GMDS: variants seen among roughly 807,000 people sequenced by gnomAD.
GMDS encodes GDP-mannose 4,6-dehydratase, also known as GDP-mannose 4,6 dehydratase.
A neutral mutation model predicts 49.9 loss-of-function variants in GMDS; 20 were observed. The ratio of observed to expected loss-of-function variants is 0.40; its 90% CI spans 0.28 to 0.58. GMDS has a LOEUF of 0.58. Among genes scored for constraint, GMDS ranks in the 20% least tolerant of loss-of-function variants. The probability of loss-of-function intolerance (pLI) is 0.42; values close to 1 mark genes in which losing one functional copy is unlikely to be tolerated. For missense variants in GMDS, 362 were observed against 481.4 expected, an observed-to-expected ratio of 0.75 and a Z score of 2.32; for synonymous variants, 177 against 178.6, an observed-to-expected ratio of 0.99 and a Z score of 0.07.
intron 9 of GMDS, among the ~76,000 whole-genome samples, chr6:1,677,422 T>C (rs1374203795): frequency 6.6e-6 from 1 of 152,066 alleles, no homozygotes; most frequent in Non-Finnish European, 1.5e-5. Context: ...GAAATACCAT[T>C]TGACCCAGCC....
chr6:1,875,506 C>T (rs1758997908), intron 7 of GMDS, among the ~76,000 whole-genome samples: 2 of 152,172 alleles, frequency 1.3e-5, no homozygotes, highest in South Asian at 4.1e-4. Context: ...ATATTACTGT[C>T]TCAAAACCTT....
At chr6:1,742,665 T>C (rs1767319379) in intron 7 of GMDS, 79 bp from the exon 8 acceptor site, 2 of 753,012 alleles carry the variant, frequency 2.7e-6, no homozygotes, top group Non-Finnish European at 4.7e-6. Flanking sequence ...CATAATCAGA[T>C]ATGGACATCG....
chr6:2,139,094 G>A (rs560995477), intron 1 of GMDS, among the ~76,000 whole-genome samples: 1 of 152,040 alleles, frequency 6.6e-6, no homozygotes, highest in East Asian at 1.9e-4. Flanking sequence ...CTACATGTCA[G>A]GTACCATGTA....
chr6:1,817,002 TA>T (rs946642463), intron 7 of GMDS, among the ~76,000 whole-genome samples: 5 of 150,480 alleles, frequency 3.3e-5, no homozygotes, highest in African/African-American at 1.2e-4. Flanking sequence ...AAGCAGTATC[TA>T]AAAAAATTTG....
intron 1 of GMDS, among the ~76,000 whole-genome samples, chr6:2,181,845 G>A (rs1477028717): frequency 2.0e-5 from 3 of 152,096 alleles, no homozygotes; most frequent in African/African-American, 7.2e-5. Context: ...TAATAACCCA[G>A]CAATGACCTC....
chr6:1,641,474 G>A (rs368520117), intron 9 of GMDS, among the ~76,000 whole-genome samples: 2 of 152,202 alleles, frequency 1.3e-5, no homozygotes, highest in African/African-American at 2.4e-5. Context: ...TCAGGGTGCC[G>A]TGCACCTGGC....
At chr6:2,208,090 G>C (rs372695252) in intron 1 of GMDS, among the ~76,000 whole-genome samples, 3 of 151,856 alleles carry the variant, frequency 2.0e-5, no homozygotes, top group African/African-American at 7.3e-5. Context: ...ATTAGGTGAA[G>C]CTGTGCATAA....
intron 4 of GMDS, among the ~76,000 whole-genome samples, chr6:2,098,953 A>T (rs780835695): frequency 6.6e-6 from 1 of 152,184 alleles, no homozygotes. Flanking sequence ...TCAAGTAAAA[A>T]ATTAACAAAA....
chr6:1,829,794 T>C (rs774770424), intron 7 of GMDS, among the ~76,000 whole-genome samples: 61 of 152,184 alleles, frequency 4.0e-4, no homozygotes, highest in Non-Finnish European at 3.1e-4. Context: ...GGGAATCAAA[T>C]CATCATCAAA....
At chr6:1,860,720 G>A (rs1017081536) in intron 7 of GMDS, among the ~76,000 whole-genome samples, 1 of 152,198 alleles carries the variant, frequency 6.6e-6, no homozygotes, top group African/African-American at 2.4e-5. Flanking sequence ...TGTCAACCGT[G>A]AAGAAGAGAA....
chr6:1,939,033 G>A (rs1388931486), intron 6 of GMDS, among the ~76,000 whole-genome samples: 3 of 119,556 alleles, frequency 2.5e-5, no homozygotes, highest in African/African-American at 9.5e-5. Flanking sequence ...TTTCTTTTTT[G>A]GCACATCCAA....
chr6:2,175,376 A>G (rs1233196645), intron 1 of GMDS, among the ~76,000 whole-genome samples: 1 of 152,218 alleles, frequency 6.6e-6, no homozygotes, highest in East Asian at 1.9e-4. Context: ...TGTTGAGCTC[A>G]AAGAGGAAAT....
intron 7 of GMDS, among the ~76,000 whole-genome samples, chr6:1,908,579 A>G (rs1288581497): frequency 6.6e-6 from 1 of 152,188 alleles, no homozygotes; most frequent in Non-Finnish European, 1.5e-5. Flanking sequence ...TCCAGTTAAT[A>G]AAGAGGCATA....
At chr6:2,200,439 C>G (rs115296468) in intron 1 of GMDS, among the ~76,000 whole-genome samples, 1 of 148,936 alleles carries the variant, frequency 6.7e-6, no homozygotes, top group Admixed American at 6.7e-5. Context: ...ACCATCCAGG[C>G]AGTGAGGGCA....
intron 7 of GMDS, among the ~76,000 whole-genome samples, chr6:1,843,617 A>AATT (rs1457851869): frequency 2.0e-5 from 3 of 151,948 alleles, no homozygotes; most frequent in Admixed American, 6.6e-5. Context: ...AAAATACAAA[A>AATT]ATTAGCTGGG....
At chr6:2,124,771 G>C in intron 1 of GMDS, 40 bp from the exon 2 acceptor site, 1 of 1,525,828 alleles carries the variant, frequency 6.6e-7, no homozygotes, top group Non-Finnish European at 9.1e-7. Context: ...CAGTCTCATA[G>C]TGGTATAGAA....
chr6:1,751,777 C>A (rs1386185727), intron 7 of GMDS, among the ~76,000 whole-genome samples: 3 of 152,170 alleles, frequency 2.0e-5, no homozygotes, highest in Non-Finnish European at 2.9e-5. Flanking sequence ...CAGGCATGAG[C>A]CACCGTGCCC....
chr6:1,708,721 G>A (rs1003213020), intron 9 of GMDS, among the ~76,000 whole-genome samples: 11 of 152,226 alleles, frequency 7.2e-5, no homozygotes, highest in South Asian at 6.2e-4. Context: ...AGTGAGCGCC[G>A]GGGGCCTCTG....
rs1012583152 is a variant in GMDS at position 2,069,738 on chromosome 6, G to C, written c.345+46033C>G. On this transcript the variant is annotated intron_variant, in intron 4 of 10. Coordinates refer to ENST00000380815, the MANE Select transcript of GMDS (RefSeq NM_001500.4). ...ATGAGATACCATCTCACACCAGTTA[G>C]AATGGCAATCATTAAAAAGTCAAGA... is the stretch of plus-strand genomic sequence containing the variant. Among the ~76,000 whole-genome samples, 57 of 152,270 alleles carry C rather than the reference G, an allele frequency of 3.7e-4. 1 individual carries two copies. Among genetic ancestry groups the C allele is most frequent in the African/African-American group, 1.3e-3 (54 of 41,544 alleles).
Sources: allele counts gnomAD v4.1 joint callset (sites outside exome capture counted in the v4.1 genomes callset), GRCh38; gene constraint gnomAD v4.1.1; transcripts MANE v1.5; gene names NCBI Gene and HGNC (gene_info 2026-07-23, HGNC 2026-07-21).